The following EXPH5 variants were observed in gnomAD, a reference collection of about 807,000 sequenced individuals.
The protein encoded by EXPH5 is exophilin 5.
EXPH5 carries 42 observed loss-of-function variants against 41.1 expected under a neutral mutation model. The observed-to-expected ratio is 1.02, with a 90% CI of 0.80 to 1.32. The LOEUF is 1.32. EXPH5 is among the 40% of genes most tolerant of loss of function. The pLI, the probability that EXPH5 is intolerant of heterozygous loss-of-function variation, is 0.00. For missense variants in EXPH5, 2,298 were observed against 2,314.5 expected (o/e 0.99, Z 0.15); for synonymous variants, 798 against 833.5 (o/e 0.96, Z 0.73).
At chr11:108,600,058 G>T in the EXPH5 span, among the ~76,000 whole-genome samples, 1 of 152,214 alleles carries the variant, frequency 6.6e-6, no homozygotes, top group Non-Finnish European at 1.5e-5. Context: ...GGTGAGAAGA[G>T]ACGGCCCTTT....
the EXPH5 span, among the ~76,000 whole-genome samples, chr11:108,604,541 T>C: frequency 6.6e-6 from 1 of 152,214 alleles, no homozygotes; most frequent in African/African-American, 2.4e-5. Context: ...TTATTGCAAA[T>C]TAGAACTCAG....
In EXPH5 at chr11:108,518,317, G is replaced by A; in HGVS notation, c.549C>T (p.Val183=). Residue 183 remains valine, a synonymous_variant, in exon 5 of 6, where the codon GTC becomes GTT. Transcript: ENST00000265843. ...CCTCCCTCATGACTGCTGGCTTTGG[G>A]ACAAATGTACTGTCAACTAGATGAT... The part of the protein sequence containing the change: ...LENHLVDSTF[V]PKPAVMREES... 6.2e-7 allele frequency: 1 copy of A among 1,613,898 alleles called. No individual in the cohort carries two copies. Among genetic ancestry groups the A allele is most frequent in the Non-Finnish European group, 8.5e-7 (1 of 1,179,886 alleles).
rs186355219 is a variant in EXPH5 at position 108,586,007 on chromosome 11, C to G, written c.119+7411G>C. On this transcript the variant is annotated intron_variant, in intron 1 of 5. Transcript: ENST00000265843. ...ATACTGGAGTGCAGTGGCACCATCT[C>G]AGTTTACTGCAACCTCCACCTCCCA... Among the ~76,000 whole-genome samples, 18 of 152,324 alleles carry G rather than the reference C, an allele frequency of 1.2e-4. No homozygotes were observed. The East Asian group carries it at 2.5e-3, about 21-fold the overall frequency.
chr11:108,509,309 T>A lies in EXPH5; in HGVS notation c.*228A>T. 1 of 376,780 alleles carries A rather than the reference T, an allele frequency of 2.7e-6. No homozygotes were observed. 23.3% of individuals were successfully genotyped at this position (376,780 alleles called of 1,614,324 possible). ...GTGGTGGAAAGGCAGGCTAAGAACA[T>A]TTACAGAGATAGAAAATAGCAGAGA... On this transcript the variant is annotated 3_prime_UTR_variant, in exon 6 of 6. Transcript: ENST00000265843.
intron 1 of EXPH5, among the ~76,000 whole-genome samples, chr11:108,581,968 A>G (rs560020225): frequency 2.0e-5 from 3 of 152,326 alleles, no homozygotes; most frequent in African/African-American, 7.2e-5. Context: ...AAAAAGTTCT[A>G]TATCTATCAA....
At chr11:108,538,043 A>G (rs952184308) in intron 3 of EXPH5, 7 of 985,306 alleles carry the variant, frequency 7.1e-6, no homozygotes, top group Non-Finnish European at 6.0e-6. Context: ...TCTTTCTTTC[A>G]TCAGACAAAA....
chr11:108,516,080 A>G (rs1425074901), intron 5 of EXPH5, among the ~76,000 whole-genome samples: 1 of 151,828 alleles, frequency 6.6e-6, no homozygotes, highest in African/African-American at 2.4e-5. Flanking sequence ...TCAAAAAAAA[A>G]AAAAAAAAAC....
intron 1 of EXPH5, among the ~76,000 whole-genome samples, chr11:108,553,215 A>T (rs1355410621): frequency 1.3e-5 from 2 of 152,180 alleles, no homozygotes; most frequent in Non-Finnish European, 1.5e-5. Flanking sequence ...ATAAAATAAA[A>T]TAAATTGACC....
intron 1 of EXPH5, among the ~76,000 whole-genome samples, chr11:108,585,619 T>C (rs1350394725): frequency 2.0e-5 from 3 of 152,214 alleles, no homozygotes; most frequent in Non-Finnish European, 4.4e-5. Context: ...TTTGTTGTAG[T>C]AGCCTGAATG....
At chr11:108,593,300 A>G (rs958768682) in intron 1 of EXPH5, 118 bp downstream of exon 1, 27 of 842,756 alleles carry the variant, frequency 3.2e-5, no homozygotes, top group South Asian at 9.6e-5. Context: ...CAGCCTCCGC[A>G]GCAGCCGCTC....
At chr11:108,521,923 T>C (rs1175585810) in intron 4 of EXPH5, among the ~76,000 whole-genome samples, 1 of 152,188 alleles carries the variant, frequency 6.6e-6, no homozygotes, top group African/African-American at 2.4e-5. Flanking sequence ...GTAATGATAA[T>C]ATACAGTGAA....
intron 4 of EXPH5, among the ~76,000 whole-genome samples, chr11:108,527,184 G>A (rs1219310350): frequency 1.3e-5 from 2 of 152,076 alleles, no homozygotes; most frequent in African/African-American, 2.4e-5. Flanking sequence ...GCTGGGTGTG[G>A]TGGTGAGGGC....
chr11:108,550,545 G>A (rs1162753208), intron 1 of EXPH5, among the ~76,000 whole-genome samples: 1 of 152,152 alleles, frequency 6.6e-6, no homozygotes, highest in Non-Finnish European at 1.5e-5. Context: ...TTGGGAGACC[G>A]AGGCAGACGG....
At chr11:108,575,800 C>A (rs1341860059) in intron 1 of EXPH5, among the ~76,000 whole-genome samples, 1 of 152,064 alleles carries the variant, frequency 6.6e-6, no homozygotes, top group Non-Finnish European at 1.5e-5. Flanking sequence ...ATGGCAAAAA[C>A]CCATCTCTAC....
At chr11:108,568,236 AG>A (rs1346727114) in intron 1 of EXPH5, 1 of 150,384 alleles carries the variant, frequency 6.6e-6, no homozygotes. Flanking sequence ...TTAGAATAGG[AG>A]AGATAAAGCT....
At chr11:108,597,541 C>T (rs116029297), upstream of EXPH5, among the ~76,000 whole-genome samples, 1,335 of 152,258 alleles carry the variant, frequency 8.8e-3, 23 homozygotes, top group African/African-American at 0.028. Context: ...TAGGACTAAA[C>T]TAAATTGAGC....
chr11:108,513,069 A>G lies in EXPH5; in HGVS notation c.2438T>C (p.Ile813Thr). Residue 813 changes from isoleucine to threonine, a missense_variant, in exon 6 of 6, where the codon ATT (isoleucine) becomes ACT (threonine). Coordinates refer to ENST00000265843, the MANE Select transcript of EXPH5 (RefSeq NM_015065.3). Reference protein sequence around the residue: ...KLGSTASLPFIQEHRTPPSFP... With the variant: ...KLGSTASLPFTQEHRTPPSFP... ...AGATGGTGGTGTTCTGTGTTCCTGA[A>G]TGAAAGGAAGGGAAGCTGTTGAGCC... The G allele has an allele frequency of 6.2e-7, 1 of 1,612,404 alleles. No homozygotes were observed.
At chr11:108,600,333 G>C in the EXPH5 span, among the ~76,000 whole-genome samples, 1 of 152,114 alleles carries the variant, frequency 6.6e-6, no homozygotes, top group Non-Finnish European at 1.5e-5. Context: ...TCAAATGGTG[G>C]CTCCAACTAA....
chr11:108,541,808 G>T lies in EXPH5; in HGVS notation c.124C>A (p.Leu42Ile), dbSNP rs1432524013. 1 of 1,585,350 alleles carries T rather than the reference G, an allele frequency of 6.3e-7. No homozygotes were observed. Among genetic ancestry groups the T allele is most frequent in the Non-Finnish European group, 8.5e-7 (1 of 1,170,314 alleles). ...QRAEKDRISK[L>I]QKTKRDIRWL... ...CTGATATCCCTCTTTGTCTTCTGAA[G>T]TTTGCTGAAATAAAATAAAACATTA... is the stretch of plus-strand genomic sequence containing the variant. The change falls in exon 2 of 6, where the codon CTT becomes ATT. Residue 42 changes from leucine (L) to isoleucine (I), a missense_variant. Leu to Ile is a conservative substitution (Grantham distance 5). Coordinates refer to ENST00000265843, the MANE Select transcript of EXPH5 (RefSeq NM_015065.3).
Sources: gnomAD v4.1 joint callset for allele counts (sites outside exome capture counted in the v4.1 genomes callset) on GRCh38, gnomAD v4.1.1 for gene constraint, MANE v1.5 for transcripts, NCBI Gene and HGNC (gene_info 2026-07-23, HGNC 2026-07-21) for gene names.